The following ZMYND8 variants were observed in gnomAD, a reference collection of about 807,000 sequenced individuals.
ZMYND8 encodes MYND-type zinc finger-containing chromatin reader ZMYND8.
Under a neutral mutation model 140.8 loss-of-function variants are expected in ZMYND8, and 37 were observed. The observed-to-expected ratio is 0.26, with a 90% CI of 0.20 to 0.35. The LOEUF is 0.35. Among genes scored for constraint, ZMYND8 ranks in the 10% least tolerant of loss-of-function variants. ZMYND8 has a pLI of 1.00. For missense variants in ZMYND8, 1,068 were observed against 1,570.0 expected, an observed-to-expected ratio of 0.68 and a Z score of 5.40; for synonymous variants, 592 against 597.1, an observed-to-expected ratio of 0.99 and a Z score of 0.12.
At chr20:47,268,540 G>A (rs1003126339) in intron 11 of ZMYND8, among the ~76,000 whole-genome samples, 22 of 151,504 alleles carry the variant, frequency 1.5e-4, no homozygotes, top group Admixed American at 5.9e-4. Context: ...TGATCCGCCC[G>A]CCTCGGCCTC....
intron 12 of ZMYND8, among the ~76,000 whole-genome samples, chr20:47,260,521 T>A (rs1049155717): frequency 4.6e-5 from 7 of 152,190 alleles, no homozygotes; most frequent in African/African-American, 1.4e-4. Context: ...CTTTAAAATC[T>A]CTTATTCCTT....
chr20:47,224,567 A>G lies in ZMYND8; in HGVS notation c.3017-11T>C. 6.2e-7 allele frequency: 1 copy of G among 1,611,936 alleles called. No homozygotes were observed. The highest frequency in any genetic ancestry group is 8.5e-7 in the Non-Finnish European group (1 of 1,179,992). ...CCGCCATGGTCAGCTCTGGTGGAGG[A>G]GGGGAAGAACACCGCTCATCACCTG... On this transcript the variant is annotated splice_polypyrimidine_tract_variant and intron_variant, in intron 18 of 22. Coordinates refer to ENST00000471951, the MANE Select transcript of ZMYND8 (RefSeq NM_001281775.3).
At chr20:47,212,324 G>A (rs1173778255) in intron 22 of ZMYND8, among the ~76,000 whole-genome samples, 2 of 152,222 alleles carry the variant, frequency 1.3e-5, no homozygotes, top group Non-Finnish European at 2.9e-5. Flanking sequence ...TCCTCATATG[G>A]AGAGGACACG....
intron 3 of ZMYND8, among the ~76,000 whole-genome samples, chr20:47,309,391 C>T (rs919498727): frequency 1.3e-5 from 2 of 152,060 alleles, no homozygotes; most frequent in Admixed American, 6.6e-5. Context: ...CTGCAACCTC[C>T]GCCTCCCGGG....
chr20:47,248,512 C>A (rs1182367883), intron 13 of ZMYND8, among the ~76,000 whole-genome samples: 1 of 152,200 alleles, frequency 6.6e-6, no homozygotes, highest in African/African-American at 2.4e-5. Flanking sequence ...AGAGGCCCAG[C>A]CATCCCCCAC....
chr20:47,232,516 C>T lies in ZMYND8; in HGVS notation c.2857-2710G>A, dbSNP rs1049891341. Among the ~76,000 whole-genome samples the T allele has an allele frequency of 3.9e-4, 59 of 151,852 alleles. 1 individual carries two copies. The highest frequency in any genetic ancestry group is 4.6e-4 in the Admixed American group (7 of 15,270). ...GCCAGCCTGGGCACCAGGGTTAGACCCCAACTCTAAAAAAAAAAAATTTCT... is the reference window on the plus strand; with the variant it reads ...GCCAGCCTGGGCACCAGGGTTAGACTCCAACTCTAAAAAAAAAAAATTTCT... On this transcript the variant is annotated intron_variant, in intron 16 of 22. Coordinates refer to ENST00000471951, the MANE Select transcript of ZMYND8 (RefSeq NM_001281775.3).
At chr20:47,276,878 G>C in intron 10 of ZMYND8, 83 bp from the exon 11 acceptor site, 5 of 1,150,858 alleles carry the variant, frequency 4.3e-6, no homozygotes, top group South Asian at 2.2e-5. Context: ...AACCAAATTA[G>C]CCAAGCATGT....
chr20:47,319,030 C>T (rs957548097), intron 2 of ZMYND8: 5 of 1,350,934 alleles, frequency 3.7e-6, no homozygotes, highest in Non-Finnish European at 4.9e-6. Flanking sequence ...CCACAGCAGA[C>T]ATTCCTGCTT....
intron 1 of ZMYND8, among the ~76,000 whole-genome samples, chr20:47,355,214 C>T (rs1430503322): frequency 6.6e-6 from 1 of 152,198 alleles, no homozygotes; most frequent in Non-Finnish European, 1.5e-5. Context: ...GAACATTTCT[C>T]CCCTGACTCA....
At chr20:47,352,855 T>G (rs928666401) in intron 1 of ZMYND8, 1 of 152,268 alleles carries the variant, frequency 6.6e-6, no homozygotes, top group Non-Finnish European at 1.5e-5. Flanking sequence ...GCGGGGAGGG[T>G]GACCATAACC....
At chr20:47,267,086 T>C (rs547622594) in intron 11 of ZMYND8, among the ~76,000 whole-genome samples, 1 of 152,310 alleles carries the variant, frequency 6.6e-6, no homozygotes, top group Admixed American at 6.5e-5. Flanking sequence ...TTCTGATACG[T>C]GCTGCAGTGT....
At position 47,291,696 on chromosome 20, in the gene ZMYND8, T is replaced by C. The variant is rs374779896; in HGVS notation, c.660+100A>G. The stretch of plus-strand genomic sequence containing the variant: ...GAAAATATAGAGAAACAATTTAAGA[T>C]TGTTATGTCCAACTTGTGATAGAGC... On this transcript the variant is annotated intron_variant, in intron 6 of 22. Coordinates refer to ENST00000471951, the MANE Select transcript of ZMYND8 (RefSeq NM_001281775.3). 2.7e-4 allele frequency: 219 copies of C among 802,114 alleles called. 2 individuals carry two copies. The Middle Eastern group carries it at 4.0e-3, about 15-fold the overall frequency. The allele number at this position is 802,114 out of a possible 1,614,324, so 49.7% of individuals were successfully genotyped here.
At chr20:47,305,560 T>TC (rs1556207952) in intron 3 of ZMYND8, among the ~76,000 whole-genome samples, 1 of 120,718 alleles carries the variant, frequency 8.3e-6, no homozygotes. Context: ...CTTGTTTCTT[T>TC]CAAAAAAAAA....
intron 4 of ZMYND8, 133 bp from the exon 5 acceptor site, chr20:47,294,912 T>G (rs988340628): frequency 2.7e-6 from 2 of 746,648 alleles, no homozygotes; most frequent in African/African-American, 3.5e-5. Flanking sequence ...TTGTTTCACT[T>G]AGCAAAGACT....
intron 21 of ZMYND8, among the ~76,000 whole-genome samples, chr20:47,214,904 A>C (rs923572703): frequency 6.6e-6 from 1 of 152,068 alleles, no homozygotes; most frequent in South Asian, 2.1e-4. Context: ...ATTCTAGCCA[A>C]TCTGGTCGTC....
intron 10 of ZMYND8, among the ~76,000 whole-genome samples, chr20:47,279,510 A>AAAT (rs1380213138): frequency 9.3e-6 from 1 of 107,146 alleles, no homozygotes; most frequent in African/African-American, 3.5e-5. Context: ...AATAAATAAT[A>AAAT]AAACAAGCCC....
At chr20:47,251,543 C>T (rs981501836) in intron 12 of ZMYND8, among the ~76,000 whole-genome samples, 11 of 151,170 alleles carry the variant, frequency 7.3e-5, no homozygotes, top group Admixed American at 4.6e-4. Context: ...GCCATGATTG[C>T]GTCACTGCAC....
At chr20:47,285,225 T>C (rs2076847085) in intron 8 of ZMYND8, among the ~76,000 whole-genome samples, 1 of 152,256 alleles carries the variant, frequency 6.6e-6, no homozygotes, top group Admixed American at 6.5e-5. Context: ...TGATATTTGT[T>C]ATTCCTTTCT....
intron 13 of ZMYND8, among the ~76,000 whole-genome samples, 159 bp from the exon 14 acceptor site, chr20:47,246,676 C>A (rs191954332): frequency 6.6e-6 from 1 of 152,296 alleles, no homozygotes; most frequent in African/African-American, 2.4e-5. Context: ...TCTCAAGTGG[C>A]AACTGGCTAC....
Sources: gnomAD v4.1 joint callset for allele counts (sites outside exome capture counted in the v4.1 genomes callset) on GRCh38, gnomAD v4.1.1 for gene constraint, MANE v1.5 for transcripts, NCBI Gene and HGNC (gene_info 2026-07-23, HGNC 2026-07-21) for gene names.